The following SLC6A15 variants were observed in gnomAD, a reference collection of about 807,000 sequenced individuals.
SLC6A15 encodes the protein sodium-dependent neutral amino acid transporter B(0)AT2.
SLC6A15 carries 33 observed loss-of-function variants against 68.5 expected under a neutral mutation model. The observed-to-expected ratio is 0.48, with a 90% CI of 0.37 to 0.64. The LOEUF is 0.64. Ranked by LOEUF, SLC6A15 falls within the 30% of genes least tolerant of loss-of-function variation. The pLI is 0.00. For missense variants in SLC6A15, 747 were observed against 874.3 expected (o/e 0.85, Z 1.84); for synonymous variants, 347 against 301.0 (o/e 1.15, Z -1.58).
At chr12:84,889,335 A>G (rs1255579716) in intron 2 of SLC6A15, among the ~76,000 whole-genome samples, 1 of 151,818 alleles carries the variant, frequency 6.6e-6, no homozygotes, top group Non-Finnish European at 1.5e-5. Flanking sequence ...CCAAAAATAC[A>G]AAAAATTAGC....
intron 5 of SLC6A15, among the ~76,000 whole-genome samples, chr12:84,877,579 C>T (rs975144839): frequency 2.0e-5 from 3 of 152,272 alleles, no homozygotes; most frequent in Admixed American, 2.0e-4. Flanking sequence ...GCTCAGCCAG[C>T]CTTAAGATGC....
chr12:84,903,692 C>T (rs1292171162), intron 1 of SLC6A15, among the ~76,000 whole-genome samples: 1 of 152,054 alleles, frequency 6.6e-6, no homozygotes, highest in Non-Finnish European at 1.5e-5. Flanking sequence ...CTTCCTTCTA[C>T]TTCAGTCTAA....
chr12:84,900,312 G>C (rs1872803224), intron 1 of SLC6A15, among the ~76,000 whole-genome samples: 1 of 151,886 alleles, frequency 6.6e-6, no homozygotes. Context: ...TTTTAATATA[G>C]GTTTCTGCCC....
At chr12:84,904,224 G>GAGAGAGAGAGAGAGAGA (rs1555183254) in intron 1 of SLC6A15, among the ~76,000 whole-genome samples, 1 of 121,996 alleles carries the variant, frequency 8.2e-6, no homozygotes, top group African/African-American at 3.6e-5. Flanking sequence ...GGGCGGAGGG[G>GAGAGAGAGAGAGAGAGA]GAGAGAGAGA....
At chr12:84,912,292 C>G (rs1873505450) in intron 1 of SLC6A15, among the ~76,000 whole-genome samples, 2 of 152,146 alleles carry the variant, frequency 1.3e-5, no homozygotes, top group African/African-American at 4.8e-5. Flanking sequence ...CCTGTCGCCC[C>G]CCACCCTGAT....
chr12:84,867,881 T>A (rs1023830954), intron 9 of SLC6A15: 4 of 152,196 alleles, frequency 2.6e-5, no homozygotes, highest in African/African-American at 9.6e-5. Flanking sequence ...AACAGATGCA[T>A]AAATTTCTGA....
Position 84,910,928 on chromosome 12 carries a change from C to CGTGTGTGTGTGT in SLC6A15, c.-189+1583_-189+1594dup, listed in dbSNP as rs34335324. ...ATTTGCTGTTGAGCCGCCCTCTTTC[C>CGTGTGTGTGTGT]GTGTGTGTGTGTGTGTGTGTGTGTG... On this transcript the variant is annotated intron_variant, in intron 1 of 11. Transcript: ENST00000266682. Among the ~76,000 whole-genome samples, 46 of 143,544 alleles carry CGTGTGTGTGTGT rather than the reference C, an allele frequency of 3.2e-4. 1 individual carries two copies. The highest frequency in any genetic ancestry group is 1.3e-3 in the African/African-American group (45 of 35,322). The allele number at this position is 143,544 out of a possible 152,430, so 94.2% of individuals were successfully genotyped here. A position where few individuals can be genotyped will look rare whatever the true frequency, so the allele number is the denominator to read the frequency against.
At chr12:84,903,537 A>C (rs775126717) in intron 1 of SLC6A15, among the ~76,000 whole-genome samples, 55 of 152,228 alleles carry the variant, frequency 3.6e-4, no homozygotes, top group Non-Finnish European at 7.2e-4. Context: ...GTCAACCAAA[A>C]TCAAGGCGTT....
Position 84,872,611 on chromosome 12 carries a change from CTCT to C in SLC6A15, c.1290_1292del (p.Glu431del). 1 of 1,607,402 alleles carries C rather than the reference CTCT, an allele frequency of 6.2e-7. No homozygotes were observed. Among genetic ancestry groups the C allele is most frequent in the Non-Finnish European group, 8.5e-7 (1 of 1,178,266 alleles). On this transcript the variant is annotated inframe_deletion, in exon 8 of 12. Transcript: ENST00000266682. ...AACATGGCTTACTAACTTTATTTAGCTCTTCTTCAATTTTACAGGAATTGAGAT... is the reference window on the plus strand; with the variant it reads ...AACATGGCTTACTAACTTTATTTAGCTCTTCAATTTTACAGGAATTGAGAT...
rs79766574 is a variant in SLC6A15 at position 84,871,268 on chromosome 12, A to C, written c.1303-598T>G. ...CCAATTTTTAATTTAAAAAACCTAC[A>C]TCTTTACCTTTTTTTACTTCTGATA... On this transcript the variant is annotated intron_variant, in intron 8 of 11. Transcript: ENST00000266682. Among the ~76,000 whole-genome samples, 162 of 151,498 alleles carry C rather than the reference A, an allele frequency of 1.1e-3. 2 individuals are homozygous for C. The East Asian group carries it at 0.027, about 25-fold the overall frequency.
chr12:84,864,331 T>G (rs1233497234), intron 10 of SLC6A15, among the ~76,000 whole-genome samples: 1 of 149,248 alleles, frequency 6.7e-6, no homozygotes, highest in African/African-American at 2.5e-5. Flanking sequence ...TTTTTTTTTT[T>G]TTTTTTTGAG....
rs542238007 is a variant in SLC6A15, at chr12:84,881,757, G to A, written c.756+2102C>T. 3.4e-6 allele frequency: 3 copies of A among 895,006 alleles called. No homozygotes were observed. The South Asian group carries it at 1.5e-4, about 46-fold the overall frequency. The allele number at this position is 895,006 out of a possible 1,614,324, so 55.4% of individuals were successfully genotyped here. A position where few individuals can be genotyped will look rare whatever the true frequency, so the allele number is the denominator to read the frequency against. On this transcript the variant is annotated intron_variant, in intron 5 of 11. Transcript: ENST00000266682. Reference sequence around the variant, plus strand: ...GTACTTGTGACACTGTTTATTTGGAGGCATTTTCTGTTTAGTAGGTAAACA... The same window carrying A: ...GTACTTGTGACACTGTTTATTTGGAAGCATTTTCTGTTTAGTAGGTAAACA...
chr12:84,886,142 T>A, intron 2 of SLC6A15, 74 bp from the exon 3 acceptor site: 1 of 1,044,894 alleles, frequency 9.6e-7, no homozygotes, highest in Non-Finnish European at 1.4e-6. Flanking sequence ...TTTATCCCAT[T>A]AAAGATAATA....
intron 2 of SLC6A15, among the ~76,000 whole-genome samples, chr12:84,888,027 A>G (rs1412735130): frequency 6.6e-6 from 1 of 151,812 alleles, no homozygotes. Context: ...GGAGTTCGAG[A>G]CCAGCTTGGG....
rs551904239 is a variant in SLC6A15, at chr12:84,867,326, C to T, written c.1496-133G>A. On this transcript the variant is annotated intron_variant, in intron 9 of 11. Transcript: ENST00000266682. ...CATCATATAAACAGGCAATACCTTT[C>T]CTGATACATGGCATATAACCTATTA... 3 of 632,162 alleles carry T rather than the reference C, an allele frequency of 4.7e-6. No individual in the cohort carries two copies. In the East Asian group the frequency reaches 9.5e-5, roughly 20 times the overall value. 39.2% of individuals were successfully genotyped at this position (632,162 alleles called of 1,614,324 possible).
At chr12:84,869,420 C>T (rs574952750) in intron 9 of SLC6A15, among the ~76,000 whole-genome samples, 1 of 136,556 alleles carries the variant, frequency 7.3e-6, no homozygotes, top group East Asian at 2.1e-4. Context: ...TGAGATCGCA[C>T]TACTGCTGCA....
At chr12:84,910,715 G>C (rs1474336614) in intron 1 of SLC6A15, among the ~76,000 whole-genome samples, 1 of 152,082 alleles carries the variant, frequency 6.6e-6, no homozygotes, top group Non-Finnish European at 1.5e-5. Flanking sequence ...ACGACATCGC[G>C]CCGGAACAAG....
At chr12:84,869,418 CACTACT>C (rs1319055065) in intron 9 of SLC6A15, among the ~76,000 whole-genome samples, 9 of 142,176 alleles carry the variant, frequency 6.3e-5, no homozygotes, top group African/African-American at 2.4e-4. Context: ...GCTGAGATCG[CACTACT>C]GCTGCACTCC....
intron 1 of SLC6A15, among the ~76,000 whole-genome samples, chr12:84,898,325 G>C (rs1416847326): frequency 6.6e-6 from 1 of 152,166 alleles, no homozygotes. Context: ...GGGTGACAGA[G>C]TGAGATCTGT....
Sources: allele counts gnomAD v4.1 joint callset (sites outside exome capture counted in the v4.1 genomes callset), GRCh38; gene constraint gnomAD v4.1.1; transcripts MANE v1.5; gene names NCBI Gene and HGNC (gene_info 2026-07-23, HGNC 2026-07-21).